ADAMTS19: variants seen among roughly 807,000 people sequenced by gnomAD.
ADAMTS19 encodes A disintegrin and metalloproteinase with thrombospondin motifs 19.
Under a neutral mutation model 153.3 loss-of-function variants are expected in ADAMTS19, and 93 were observed. The ratio of observed to expected loss-of-function variants is 0.61; its 90% CI spans 0.51 to 0.72. The LOEUF is 0.72. ADAMTS19 is among the 30% of genes least tolerant of loss of function. The probability of loss-of-function intolerance (pLI) is 0.00; values close to 1 mark genes in which losing one functional copy is unlikely to be tolerated. For missense variants in ADAMTS19, 1,482 were observed against 1,552.1 expected, an observed-to-expected ratio of 0.95 and a Z score of 0.76; for synonymous variants, 600 against 556.6, an observed-to-expected ratio of 1.08 and a Z score of -1.10.
intron 19 of ADAMTS19, among the ~76,000 whole-genome samples, chr5:129,696,048 T>C (rs138152578): frequency 1.0e-3 from 158 of 152,256 alleles, no homozygotes; most frequent in African/African-American, 3.6e-3. Context: ...TATTTGAGCT[T>C]TTCTTTCTTA....
At chr5:129,667,390 TAA>T in intron 16 of ADAMTS19, among the ~76,000 whole-genome samples, 1 of 152,290 alleles carries the variant, frequency 6.6e-6, no homozygotes, top group Middle Eastern at 3.4e-3. Context: ...TCAGAAATAA[TAA>T]GTCTGATATA....
chr5:129,658,367 A>AAGAAAGAAAGAG (rs1403318149), intron 14 of ADAMTS19, among the ~76,000 whole-genome samples: 9 of 128,110 alleles, frequency 7.0e-5, no homozygotes, highest in Non-Finnish European at 1.2e-4. Flanking sequence ...GAAAGAAAGA[A>AAGAAAGAAAGAG]AGAGAGAGAG....
intron 7 of ADAMTS19, 123 bp downstream of exon 7, chr5:129,552,030 T>C: frequency 1.7e-6 from 1 of 593,480 alleles, no homozygotes; most frequent in Admixed American, 3.8e-5. Context: ...CAGACATACA[T>C]ATTTTCTACC....
At position 129,461,137 on chromosome 5, in the gene ADAMTS19, G is replaced by T; in HGVS notation, c.127G>T (p.Val43Phe). 1 of 1,424,162 alleles carries T rather than the reference G, an allele frequency of 7.0e-7. No homozygotes were observed. The allele number at this position is 1,424,162 out of a possible 1,614,324, so 88.2% of individuals were successfully genotyped here. The change falls in exon 2 of 23, where the codon GTC becomes TTC. Residue 43 changes from valine (V) to phenylalanine (F), a missense_variant. Transcript: ENST00000274487. The surrounding 1 kb of genome is among the most constrained non-coding windows in gnomAD (Gnocchi z 4.6). Reference protein sequence around the residue: ...QFAPDREEWEVVFPALWRREP... With the variant: ...QFAPDREEWEFVFPALWRREP... ...CGCCCCCGACCGCGAGGAGTGGGAA[G>T]TCGTGTTTCCTGCGCTCTGGCGCCG...
At chr5:129,592,157 C>T (rs1750166197) in intron 7 of ADAMTS19, among the ~76,000 whole-genome samples, 1 of 151,960 alleles carries the variant, frequency 6.6e-6, no homozygotes, top group Non-Finnish European at 1.5e-5. Context: ...GTGGATGGAT[C>T]ACTTGAGGTC....
intron 7 of ADAMTS19, among the ~76,000 whole-genome samples, chr5:129,583,202 G>A (rs1259112020): frequency 6.6e-6 from 1 of 152,134 alleles, no homozygotes; most frequent in Non-Finnish European, 1.5e-5. Flanking sequence ...ATTCTGGGTT[G>A]AAAATTCTTT....
chr5:129,664,480 A>G (rs1470689649), intron 15 of ADAMTS19, among the ~76,000 whole-genome samples: 1 of 152,202 alleles, frequency 6.6e-6, no homozygotes, highest in Non-Finnish European at 1.5e-5. Flanking sequence ...TTAAATAAAC[A>G]GTGTTCTTGA....
chr5:129,708,659 G>C (rs940578313), intron 21 of ADAMTS19, among the ~76,000 whole-genome samples: 8 of 142,424 alleles, frequency 5.6e-5, no homozygotes, highest in African/African-American at 2.0e-4. Context: ...GATTATTTAT[G>C]AAGTTTTATA....
intron 14 of ADAMTS19, among the ~76,000 whole-genome samples, chr5:129,656,577 C>A (rs974388285): frequency 2.6e-5 from 4 of 152,210 alleles, no homozygotes; most frequent in African/African-American, 9.6e-5. Context: ...CCAGTGGTAC[C>A]TCAGGTACTT....
chr5:129,611,617 C>A (rs1280563637), intron 8 of ADAMTS19, among the ~76,000 whole-genome samples: 2 of 152,064 alleles, frequency 1.3e-5, no homozygotes, highest in African/African-American at 4.8e-5. Flanking sequence ...GGTATTATTT[C>A]TGAGGGCTCT....
chr5:129,498,906 C>T (rs1400028006), intron 2 of ADAMTS19, among the ~76,000 whole-genome samples: 1 of 151,418 alleles, frequency 6.6e-6, no homozygotes, highest in African/African-American at 2.4e-5. Flanking sequence ...GTCCTTCCCT[C>T]ATCATCCCCA....
intron 22 of ADAMTS19, among the ~76,000 whole-genome samples, chr5:129,735,735 T>C (rs991424369): frequency 6.6e-6 from 1 of 152,076 alleles, no homozygotes; most frequent in African/African-American, 2.4e-5. Context: ...ATCTAACCCA[T>C]AATTGAGAAT....
At chr5:129,646,679 A>G (rs1753079902) in intron 11 of ADAMTS19, among the ~76,000 whole-genome samples, 2 of 152,206 alleles carry the variant, frequency 1.3e-5, no homozygotes, top group South Asian at 4.1e-4. Flanking sequence ...TATGATTATC[A>G]TTCACATTTT....
intron 6 of ADAMTS19, among the ~76,000 whole-genome samples, chr5:129,536,123 G>A (rs1414873179): frequency 1.3e-5 from 2 of 152,074 alleles, no homozygotes; most frequent in Non-Finnish European, 2.9e-5. Flanking sequence ...GAATGAACAG[G>A]CAACCTACAC....
chr5:129,715,494 T>C (rs1561666258), intron 21 of ADAMTS19, among the ~76,000 whole-genome samples: 1 of 152,296 alleles, frequency 6.6e-6, no homozygotes. Context: ...ACAGTAACTA[T>C]GTAAGTGCTG....
At chr5:129,718,151 T>G (rs1483418986) in intron 21 of ADAMTS19, among the ~76,000 whole-genome samples, 1 of 152,184 alleles carries the variant, frequency 6.6e-6, no homozygotes, top group Non-Finnish European at 1.5e-5. Context: ...TTTCTTCCAT[T>G]GTTGTGGTGA....
chr5:129,726,033 T>G (rs184218489), intron 21 of ADAMTS19, among the ~76,000 whole-genome samples: 1 of 152,272 alleles, frequency 6.6e-6, no homozygotes, highest in East Asian at 1.9e-4. Context: ...ACATCAACTT[T>G]CCTTGTGTCT....
At position 129,461,499 on chromosome 5, in the gene ADAMTS19, T is replaced by A; in HGVS notation, c.489T>A (p.His163Gln). Residue 163 changes from histidine (H) to glutamine (Q), a missense_variant, in exon 2 of 23, where the codon CAT (histidine) becomes CAA (glutamine). By Grantham distance (24) the His-to-Gln change is conservative. Transcript: ENST00000274487. This position sits in a 1 kb window ranked among gnomAD's most constrained non-coding sequence, Gnocchi z 4.6. ...CCCCGTCCCCGCCCCCGGCCCAGCA[T>A]GCCGAGCCGGATGGCGACGAAGTGT... Reference protein sequence around the residue: ...QPPPSPPPAQHAEPDGDEVLL... With the variant: ...QPPPSPPPAQQAEPDGDEVLL... 1.3e-6 allele frequency: 2 copies of A among 1,506,380 alleles called. No homozygotes were observed. The highest frequency in any genetic ancestry group is 8.8e-7 in the Non-Finnish European group (1 of 1,136,402). The allele number at this position is 1,506,380 out of a possible 1,614,324, so 93.3% of individuals were successfully genotyped here.
At chr5:129,633,343 G>A (rs1005995686) in intron 10 of ADAMTS19, among the ~76,000 whole-genome samples, 1 of 152,036 alleles carries the variant, frequency 6.6e-6, no homozygotes, top group Non-Finnish European at 1.5e-5. Flanking sequence ...TAACACATGT[G>A]TCATCTCAGG....
Sources: allele counts gnomAD v4.1 joint callset (sites outside exome capture counted in the v4.1 genomes callset), GRCh38; gene constraint gnomAD v4.1.1; non-coding constraint Gnocchi (gnomAD v3.1); transcripts MANE v1.5; gene names NCBI Gene and HGNC (gene_info 2026-07-23, HGNC 2026-07-21).